The following DENND5A variants were observed in gnomAD, a reference collection of about 807,000 sequenced individuals.
DENND5A encodes the protein DENN domain containing 5A.
DENND5A carries 64 observed loss-of-function variants against 140.3 expected under a neutral mutation model. That is an observed-to-expected ratio of 0.46 (90% CI 0.37 to 0.56). The LOEUF (loss-of-function observed/expected upper bound fraction) is 0.56. DENND5A is among the 20% of genes least tolerant of loss of function. The probability of loss-of-function intolerance (pLI) is 0.00; values close to 1 mark genes in which losing one functional copy is unlikely to be tolerated. For missense variants in DENND5A, 1,292 were observed against 1,593.8 expected, an observed-to-expected ratio of 0.81 and a Z score of 3.22; for synonymous variants, 605 against 607.7, an observed-to-expected ratio of 1.00 and a Z score of 0.07.
intron 4 of DENND5A, 128 bp from the exon 5 acceptor site, chr11:9,193,809 T>G (rs1849225848): frequency 2.5e-6 from 2 of 804,796 alleles, no homozygotes; most frequent in Non-Finnish European, 3.9e-6. Flanking sequence ...AAACTTCAGC[T>G]AGGGTATGCT....
rs1261264645 is a variant in DENND5A, at chr11:9,139,849, T to C, written c.3686A>G (p.His1229Arg). The part of the protein sequence containing the change: ...QMLVCLGARD[H>R]LLHHWIALLA... ...CAGGGCAATCCAGTGGTGTAGGAGGTGATCTCTGGCAGAGCGGGAGCAGTC... is the reference window on the plus strand; with the variant it reads ...CAGGGCAATCCAGTGGTGTAGGAGGCGATCTCTGGCAGAGCGGGAGCAGTC... The change falls in exon 23 of 23, where the codon CAC becomes CGC. Residue 1229 changes from histidine (H) to arginine (R), a missense_variant. His to Arg is a conservative substitution (Grantham distance 29). This residue lies in a region of DENND5A where 498 missense variants were observed against 689.7 expected (regional missense o/e 0.72). Transcript: ENST00000328194. 1 of 1,613,492 alleles carries C rather than the reference T, an allele frequency of 6.2e-7. No homozygotes were observed. Among genetic ancestry groups the C allele is most frequent in the East Asian group, 2.2e-5 (1 of 44,860 alleles).
At chr11:9,179,295 C>T (rs1192353610) in intron 6 of DENND5A, among the ~76,000 whole-genome samples, 1 of 151,936 alleles carries the variant, frequency 6.6e-6, no homozygotes, top group African/African-American at 2.4e-5. Context: ...TTAAAGATAT[C>T]CAACAACTCA....
intron 1 of DENND5A, among the ~76,000 whole-genome samples, chr11:9,220,035 C>T (rs1385097050): frequency 6.6e-6 from 1 of 152,176 alleles, no homozygotes; most frequent in East Asian, 1.9e-4. Context: ...CTCCTCAAAA[C>T]ATTCTGAAGA....
chr11:9,237,204 G>C (rs11042233), intron 1 of DENND5A, among the ~76,000 whole-genome samples: 25,341 of 152,116 alleles, frequency 0.17, 2,298 homozygotes, highest in Non-Finnish European at 0.21. Flanking sequence ...ATCACCTGAG[G>C]TCAGGAGTAC....
At chr11:9,176,973 G>A (rs1021619053) in intron 8 of DENND5A, 6 of 455,260 alleles carry the variant, frequency 1.3e-5, no homozygotes, top group Admixed American at 4.7e-5. Context: ...GGGAAAAATA[G>A]GCTGGGCACA....
chr11:9,206,552 T>C lies in DENND5A; in HGVS notation c.291+121A>G. 5.4e-6 allele frequency: 4 copies of C among 741,078 alleles called. No individual in the cohort carries two copies. The South Asian group carries it at 6.1e-5, about 11-fold the overall frequency. The allele number at this position is 741,078 out of a possible 1,614,324, so 45.9% of individuals were successfully genotyped here. A position where few individuals can be genotyped will look rare whatever the true frequency, so the allele number is the denominator to read the frequency against. ...GCAGAATAATAAACAATATGCATTA[T>C]AATCCTTTCTTCAAAAGTTATTGGT... On this transcript the variant is annotated intron_variant, in intron 3 of 22. Transcript: ENST00000328194.
Position 9,165,900 on chromosome 11 carries a change from G to A in DENND5A, c.2219C>T (p.Pro740Leu). Residue 740 changes from proline (P) to leucine (L), a missense_variant, in exon 11 of 23, where the codon CCA becomes CTA. Transcript: ENST00000328194. ...IRQPKLSNLS[P>L]SVIAQTNWKF... Reference sequence around the variant, plus strand: ...CCAATTGGTCTGGGCAATCACTGATGGAGAGAGGTTGGACAGTTTGGGCTG... The same window carrying A: ...CCAATTGGTCTGGGCAATCACTGATAGAGAGAGGTTGGACAGTTTGGGCTG... 1 of 1,614,114 alleles carries A rather than the reference G, an allele frequency of 6.2e-7. No individual in the cohort carries two copies. The highest frequency in any genetic ancestry group is 8.5e-7 in the Non-Finnish European group (1 of 1,179,966).
intron 4 of DENND5A, among the ~76,000 whole-genome samples, chr11:9,200,388 G>A (rs1185924636): frequency 1.3e-5 from 2 of 152,208 alleles, no homozygotes; most frequent in Non-Finnish European, 2.9e-5. Context: ...CACCCAGAGA[G>A]AGGAGGCTCT....
chr11:9,245,581 A>T (rs961862987), intron 1 of DENND5A: 2 of 149,230 alleles, frequency 1.3e-5, no homozygotes, highest in Non-Finnish European at 3.0e-5. Flanking sequence ...ACAGAGCAAG[A>T]CTCCGTCTCG....
chr11:9,143,603 C>A, intron 19 of DENND5A, 118 bp from the exon 20 acceptor site: 1 of 836,038 alleles, frequency 1.2e-6, no homozygotes, highest in Non-Finnish European at 2.0e-6. Context: ...CAGCTGGACC[C>A]TAGGAAGCAG....
At chr11:9,193,181 T>C (rs1472505175) in intron 5 of DENND5A, among the ~76,000 whole-genome samples, 1 of 152,208 alleles carries the variant, frequency 6.6e-6, no homozygotes, top group Non-Finnish European at 1.5e-5. Context: ...TAAGCTACGA[T>C]CATGCTACTG....
rs550697447 is a variant in DENND5A at position 9,221,932 on chromosome 11, T to A, written c.110-14300A>T. ...GCCACCACGCCCGGCTAATTTTTTA[T>A]ATTTTTAGTAGAGATGAGGTTTCAC... On this transcript the variant is annotated intron_variant, in intron 1 of 22. Transcript: ENST00000328194. 2.3e-3 allele frequency among the ~76,000 whole-genome samples: 346 copies of A among 152,148 alleles called. 1 individual carries two copies. Among genetic ancestry groups the A allele is most frequent in the Non-Finnish European group, 3.2e-3 (220 of 67,990 alleles).
rs567095611 is a variant in DENND5A at position 9,258,465 on chromosome 11, T to C, written c.109+6496A>G. Reference sequence around the variant, plus strand: ...TGCAAAGGACATGAACTCATCCTTTTTTATGGCTGCATAGTATTCCATGAT... The same window carrying C: ...TGCAAAGGACATGAACTCATCCTTTCTTATGGCTGCATAGTATTCCATGAT... On this transcript the variant is annotated intron_variant, in intron 1 of 22. Coordinates refer to ENST00000328194, the MANE Select transcript of DENND5A (RefSeq NM_015213.4). Among the ~76,000 whole-genome samples the C allele has an allele frequency of 1.2e-4, 18 of 152,330 alleles. No homozygotes were observed. In the East Asian group the frequency reaches 3.5e-3, roughly 29 times the overall value.
At position 9,203,963 on chromosome 11, in the gene DENND5A, T is replaced by C. The variant is rs1470550721; in HGVS notation, c.646A>G (p.Met216Val). ...TCCAGCACGCTCCGACATGCCTTCA[T>C]GAAAGACATGGGTGTGATGAGGCAG... ...CICLITPMSF[M>V]KACRSVLEQL... is the part of the protein sequence containing the mutation. Residue 216 changes from methionine (M) to valine (V), a missense_variant, in exon 4 of 23, where the codon ATG becomes GTG. Physicochemically the swap from Met to Val is conservative, Grantham distance 21 (BLOSUM62 1). Coordinates refer to ENST00000328194, the MANE Select transcript of DENND5A (RefSeq NM_015213.4). 7 of 1,614,112 alleles carry C rather than the reference T, an allele frequency of 4.3e-6. No homozygotes were observed. The highest frequency in any genetic ancestry group is 1.7e-5 in the Admixed American group (1 of 60,002).
At chr11:9,199,497 C>CA (rs1261143083) in intron 4 of DENND5A, among the ~76,000 whole-genome samples, 2 of 151,456 alleles carry the variant, frequency 1.3e-5, no homozygotes, top group Non-Finnish European at 2.9e-5. Context: ...GACCCTGTCT[C>CA]AAAAAAAGTA....
rs191901305 is a variant in DENND5A at position 9,139,320 on chromosome 11, G to A, written c.*351C>T. The A allele has an allele frequency of 4.7e-4, 101 of 214,370 alleles. No individual in the cohort carries two copies. Among genetic ancestry groups the A allele is most frequent in the Admixed American group, 1.9e-3 (35 of 18,892 alleles). The allele number at this position is 214,370 out of a possible 1,614,324, so 13.3% of individuals were successfully genotyped here. ...TGATGTGGAAGGGCCTCATTAATGC[G>A]ACGGGGCAAGGAAACATAACTGTCC... On this transcript the variant is annotated 3_prime_UTR_variant, in exon 23 of 23. Transcript: ENST00000328194.
chr11:9,160,604 G>A (rs1847947024), intron 12 of DENND5A, 109 bp downstream of exon 12: 2 of 930,772 alleles, frequency 2.1e-6, no homozygotes, highest in Admixed American at 4.5e-5. Context: ...CCAGGGCACT[G>A]TGCACCATTC....
At chr11:9,260,318 A>T (rs1355053289) in intron 1 of DENND5A, among the ~76,000 whole-genome samples, 11 of 152,098 alleles carry the variant, frequency 7.2e-5, no homozygotes, top group African/African-American at 2.7e-4. Context: ...TCAAGCAGAG[A>T]CAAGGAAAAT....
intron 1 of DENND5A, among the ~76,000 whole-genome samples, chr11:9,255,863 TA>T (rs751397027): frequency 6.0e-3 from 724 of 119,894 alleles, no homozygotes; most frequent in Admixed American, 7.7e-3. Context: ...AGACTCCGTC[TA>T]AAAAAAAAAA....
Sources: allele counts gnomAD v4.1 joint callset (sites outside exome capture counted in the v4.1 genomes callset), GRCh38; gene constraint gnomAD v4.1.1; regional missense constraint gnomAD v4.1.1; transcripts MANE v1.5; gene names NCBI Gene and HGNC (gene_info 2026-07-23, HGNC 2026-07-21).